The following NRXN1 variants were observed in gnomAD, a reference collection of about 807,000 sequenced individuals.
NRXN1 encodes neurexin-1.
NRXN1 carries 39 observed loss-of-function variants against 150.9 expected under a neutral mutation model. The ratio of observed to expected loss-of-function variants is 0.26; its 90% CI spans 0.20 to 0.34. The LOEUF (loss-of-function observed/expected upper bound fraction) is 0.34. NRXN1 is among the 10% of genes least tolerant of loss of function. NRXN1 has a pLI of 1.00. For missense variants in NRXN1, 1,815 were observed against 1,949.9 expected (o/e 0.93, Z 1.30); for synonymous variants, 924 against 757.0 (o/e 1.22, Z -3.62).
At chr2:50,367,932 G>A (rs1572702096) in intron 17 of NRXN1, among the ~76,000 whole-genome samples, 1 of 152,054 alleles carries the variant, frequency 6.6e-6, no homozygotes, top group East Asian at 1.9e-4. Context: ...ACAATTACCT[G>A]TCTATCTAAA....
intron 13 of NRXN1, among the ~76,000 whole-genome samples, chr2:50,504,218 A>G (rs553406673): frequency 6.6e-5 from 10 of 151,752 alleles, no homozygotes; most frequent in African/African-American, 2.4e-4. Flanking sequence ...TTGCGTATTG[A>G]TAACATTGAA....
At chr2:50,719,856 T>G (rs1344665511) in intron 5 of NRXN1, among the ~76,000 whole-genome samples, 1 of 152,200 alleles carries the variant, frequency 6.6e-6, no homozygotes, top group Non-Finnish European at 1.5e-5. Context: ...AATGCTTTCC[T>G]TATTTCAAGA....
At chr2:50,666,954 C>T (rs1477091569) in intron 5 of NRXN1, among the ~76,000 whole-genome samples, 1 of 151,534 alleles carries the variant, frequency 6.6e-6, no homozygotes, top group African/African-American at 2.4e-5. Flanking sequence ...TTAGAGAACA[C>T]ACGCATGGCG....
intron 5 of NRXN1, among the ~76,000 whole-genome samples, chr2:50,684,469 T>A (rs565395373): frequency 5.9e-5 from 9 of 152,144 alleles, no homozygotes; most frequent in Admixed American, 2.0e-4. Context: ...GTCACTACAC[T>A]GCAGCCTGGG....
At chr2:50,663,972 T>C (rs1687657799) in intron 5 of NRXN1, among the ~76,000 whole-genome samples, 1 of 151,990 alleles carries the variant, frequency 6.6e-6, no homozygotes, top group African/African-American at 2.4e-5. Flanking sequence ...GCACCATCTC[T>C]AGGAAAATTG....
chr2:50,125,091 A>G (rs1523357), intron 18 of NRXN1, among the ~76,000 whole-genome samples: 51,459 of 151,998 alleles, frequency 0.34, 9,184 homozygotes, highest in Non-Finnish European at 0.39. Context: ...ACTCCTTGAA[A>G]TAGTAAATTA....
chr2:50,461,208 G>A (rs2088170891), intron 17 of NRXN1, among the ~76,000 whole-genome samples: 3 of 151,994 alleles, frequency 2.0e-5, no homozygotes, highest in African/African-American at 7.2e-5. Context: ...ACTCTCATAT[G>A]AAAGATACAA....
In NRXN1 at chr2:50,937,636, T is replaced by C. The variant is rs542825135; in HGVS notation, c.773-11681A>G. Among the ~76,000 whole-genome samples the C allele has an allele frequency of 3.3e-5, 5 of 152,256 alleles. No individual in the cohort carries two copies. The East Asian group carries it at 7.7e-4, about 24-fold the overall frequency. ...AACTTTCTCCATCGATTGTTGTTTATGAAGTAGATGATGATGATGATGAAG... is the reference window on the plus strand; with the variant it reads ...AACTTTCTCCATCGATTGTTGTTTACGAAGTAGATGATGATGATGATGAAG... On this transcript the variant is annotated intron_variant, in intron 2 of 22. Transcript: ENST00000401669.
chr2:50,440,400 CT>C (rs2085844034), intron 17 of NRXN1, among the ~76,000 whole-genome samples: 1 of 151,452 alleles, frequency 6.6e-6, no homozygotes, highest in Non-Finnish European at 1.5e-5. Context: ...TGACTATAGT[CT>C]TTATTATTAT....
intron 17 of NRXN1, among the ~76,000 whole-genome samples, chr2:50,297,154 G>T (rs1034054982): frequency 2.0e-5 from 3 of 152,128 alleles, no homozygotes; most frequent in Non-Finnish European, 2.9e-5. Context: ...CTCCCAAAGT[G>T]CTGGGATTAC....
chr2:50,726,834 T>C (rs1574259008), intron 5 of NRXN1, among the ~76,000 whole-genome samples: 1 of 152,324 alleles, frequency 6.6e-6, no homozygotes, highest in East Asian at 1.9e-4. Context: ...TTATTCAGCA[T>C]ACATTCTATC....
intron 5 of NRXN1, among the ~76,000 whole-genome samples, chr2:50,838,674 C>G (rs929419660): frequency 2.4e-4 from 37 of 152,052 alleles, no homozygotes; most frequent in African/African-American, 8.7e-4. Flanking sequence ...CCGGGAGAAG[C>G]TGGCTGTATG....
chr2:49,925,678 A>G (rs1210329103), intron 22 of NRXN1, among the ~76,000 whole-genome samples: 1 of 152,200 alleles, frequency 6.6e-6, no homozygotes, highest in Non-Finnish European at 1.5e-5. Context: ...CATTTTTAAA[A>G]AATTAAAGCA....
intron 2 of NRXN1, among the ~76,000 whole-genome samples, chr2:51,001,160 CAGTAAAGCTCAAATCG>C (rs1366551281): frequency 1.5e-5 from 2 of 134,506 alleles, no homozygotes; most frequent in African/African-American, 5.6e-5. Context: ...GTAGTAAACA[CAGTAAAGCTCAAATCG>C]AGTTTACTGC....
At chr2:50,602,002 C>T (rs1489462184) in intron 8 of NRXN1, among the ~76,000 whole-genome samples, 12 of 152,152 alleles carry the variant, frequency 7.9e-5, no homozygotes, top group Admixed American at 7.2e-4. Context: ...TCATAAGACC[C>T]AGTTATGAGT....
chr2:50,445,400 G>T (rs1041259841), intron 17 of NRXN1, among the ~76,000 whole-genome samples: 1 of 152,066 alleles, frequency 6.6e-6, no homozygotes, highest in Non-Finnish European at 1.5e-5. Flanking sequence ...ATAACTCTTG[G>T]ATCACAAAGG....
chr2:50,047,450 T>C (rs1691990985), intron 21 of NRXN1, among the ~76,000 whole-genome samples: 1 of 152,052 alleles, frequency 6.6e-6, no homozygotes, highest in Non-Finnish European at 1.5e-5. Context: ...TTCTAGAGGT[T>C]AGGAGCAGGT....
intron 5 of NRXN1, among the ~76,000 whole-genome samples, chr2:50,832,474 G>A (rs533661075): frequency 1.1e-4 from 17 of 152,158 alleles, no homozygotes; most frequent in East Asian, 1.9e-4. Flanking sequence ...CCAACATGGC[G>A]AAACCTCATC....
chr2:50,813,622 T>C (rs1487598600), intron 5 of NRXN1, among the ~76,000 whole-genome samples: 77 of 152,186 alleles, frequency 5.1e-4, no homozygotes, highest in Non-Finnish European at 1.5e-5. Flanking sequence ...CAAAAGAAAA[T>C]AAGGTTTCAA....
Sources: gnomAD v4.1 joint callset for allele counts (sites outside exome capture counted in the v4.1 genomes callset) on GRCh38, gnomAD v4.1.1 for gene constraint, MANE v1.5 for transcripts, NCBI Gene and HGNC (gene_info 2026-07-23, HGNC 2026-07-21) for gene names.